ESYT3: variants seen among roughly 807,000 people sequenced by gnomAD.
The protein encoded by ESYT3 is extended synaptotagmin 3, also known as extended synaptotagmin-3.
A neutral mutation model predicts 111.5 loss-of-function variants in ESYT3; 101 were observed. That is an observed-to-expected ratio of 0.91 (90% confidence interval 0.77 to 1.07). ESYT3 has a LOEUF of 1.07. Among genes scored for constraint, ESYT3 ranks in the 50% least tolerant of loss-of-function variants. The probability of loss-of-function intolerance (pLI) is 0.00; values close to 1 mark genes in which losing one functional copy is unlikely to be tolerated. For synonymous variants in ESYT3, 416 were observed against 446.8 expected, an observed-to-expected ratio of 0.93 and a Z score of 0.87; for missense variants, 1,097 against 1,109.4, an observed-to-expected ratio of 0.99 and a Z score of 0.16.
intron 15 of ESYT3, 50 bp downstream of exon 15, chr3:138,469,554 C>T (rs1447376808): frequency 1.3e-6 from 2 of 1,533,114 alleles, no homozygotes; most frequent in African/African-American, 1.4e-5. Context: ...AGGACCCAGC[C>T]CTTCTCAGGG....
In ESYT3 at chr3:138,470,146, G is replaced by A. The variant is rs201243595; in HGVS notation, c.1590G>A (p.Lys530=). The A allele has an allele frequency of 8.6e-4, 1,385 of 1,611,516 alleles. 1 individual carries two copies. The highest frequency in any genetic ancestry group is 1.1e-3 in the Non-Finnish European group (1,268 of 1,178,344). The change falls in exon 16 of 23, where the codon AAG becomes AAA. Residue 530 remains lysine (K), a splice_region_variant and synonymous_variant. Coordinates refer to ENST00000389567, the MANE Select transcript of ESYT3 (RefSeq NM_031913.5). ...TGGCCACTGAGCGGCTCCATCTGAA[G>A]GTTTGATGGAAGAAGGGCTCTTGAA... ...HNVATERLHL[K]VLDDDQECAL...
At position 138,476,255 on chromosome 3, in the gene ESYT3, AG is replaced by A; in HGVS notation, c.2502del (p.Lys835ArgfsTer4). On this transcript the variant is annotated frameshift_variant, in exon 21 of 23. Transcript: ENST00000389567. LOFTEE classifies it high-confidence loss of function. The stretch of plus-strand genomic sequence containing the variant: ...TTTTTTGTTCCCATGGAAGAAGTAA[AG>A]AAGAGGTCACTAGATGTTGCAGTGA... The part of the protein sequence containing the change: ...FEFFVPMEEV[K>X]KRSLDVAVKN... 3.7e-6 allele frequency: 6 copies of A among 1,613,922 alleles called. No homozygotes were observed. Among genetic ancestry groups the A allele is most frequent in the Non-Finnish European group, 5.1e-6 (6 of 1,179,844 alleles).
At position 138,465,366 on chromosome 3, in the gene ESYT3, G is replaced by A; in HGVS notation, c.1114G>A (p.Asp372Asn). 11 of 1,596,912 alleles carry A rather than the reference G, an allele frequency of 6.9e-6. No homozygotes were observed. The highest frequency in any genetic ancestry group is 8.5e-6 in the Non-Finnish European group (10 of 1,172,180). The change falls in exon 10 of 23, where the codon GAC becomes AAC. Residue 372 changes from aspartate (D) to asparagine (N), a missense_variant. Transcript: ENST00000389567. ...CATGGTGTACGAAGTCCCTGGACAGGACCTGGAGGTAGACCTGTATGATGA... is the reference window on the plus strand; with the variant it reads ...CATGGTGTACGAAGTCCCTGGACAGAACCTGGAGGTAGACCTGTATGATGA... ...EFMVYEVPGQ[D>N]LEVDLYDEDT...
At chr3:138,457,546 G>C (rs772925402) in intron 3 of ESYT3, 22 bp from the exon 4 acceptor site, 2 of 1,613,348 alleles carry the variant, frequency 1.2e-6, no homozygotes, top group South Asian at 2.2e-5. Context: ...CTCTGACCTA[G>C]CCCTTTTGGC....
intron 20 of ESYT3, among the ~76,000 whole-genome samples, chr3:138,475,612 G>C (rs1004770034): frequency 1.3e-5 from 2 of 152,152 alleles, no homozygotes; most frequent in Non-Finnish European, 2.9e-5. Context: ...TACTGTTCAG[G>C]GTGAGGAGGG....
chr3:138,439,332 G>A (rs1256527233), intron 1 of ESYT3, among the ~76,000 whole-genome samples: 1 of 152,130 alleles, frequency 6.6e-6, no homozygotes, highest in East Asian at 1.9e-4. Flanking sequence ...GCGAGTGGAA[G>A]GGACGCGCAG....
chr3:138,459,846 G>A (rs879768132), intron 5 of ESYT3, 99 bp from the exon 6 acceptor site: 44 of 1,016,794 alleles, frequency 4.3e-5, no homozygotes, highest in African/African-American at 9.6e-5. Context: ...GTGGGGCAGC[G>A]TGGGCATGAA....
chr3:138,465,235 G>T (rs562546824), intron 9 of ESYT3, 104 bp from the exon 10 acceptor site: 4 of 757,244 alleles, frequency 5.3e-6, no homozygotes, highest in African/African-American at 3.5e-5. Context: ...GGCACTGAGG[G>T]GGTCAGGAAC....
In ESYT3 at chr3:138,476,475, T is replaced by G. The variant is rs1413112511; in HGVS notation, c.2607T>G (p.Ile869Met). ...VLIDLSKEDL[I>M]KGFSQWYELT... ...TTGACTTATCAAAAGAAGATCTGAT[T>G]AAGGGCTTTTCACAATGGTAAGTGT... Residue 869 changes from isoleucine (I) to methionine (M), a missense_variant, in exon 22 of 23, where the codon ATT becomes ATG. Physicochemically the swap from Ile to Met is conservative, Grantham distance 10. Coordinates refer to ENST00000389567, the MANE Select transcript of ESYT3 (RefSeq NM_031913.5). The G allele has an allele frequency of 6.2e-7, 1 of 1,613,648 alleles. No homozygotes were observed. The highest frequency in any genetic ancestry group is 2.2e-5 in the East Asian group (1 of 44,892).
intron 18 of ESYT3, chr3:138,473,261 C>A: frequency 1.3e-6 from 1 of 761,536 alleles, no homozygotes; most frequent in Non-Finnish European, 1.9e-6. Context: ...ATGGAACTAT[C>A]ATAAAAGTTT....
intron 22 of ESYT3, 123 bp downstream of exon 22, chr3:138,476,615 C>T: frequency 9.4e-7 from 1 of 1,066,624 alleles, no homozygotes; most frequent in Non-Finnish European, 1.4e-6. Flanking sequence ...TTATTTAAGG[C>T]TTTACTGCCT....
intron 2 of ESYT3, among the ~76,000 whole-genome samples, chr3:138,452,832 A>G: frequency 6.6e-6 from 1 of 152,208 alleles, no homozygotes; most frequent in East Asian, 1.9e-4. Context: ...AGCAGGAATG[A>G]CTTAGGTTAG....
chr3:138,435,080 C>T lies in ESYT3; in HGVS notation c.282C>T (p.Arg94=), dbSNP rs368781302. 728 of 1,593,188 alleles carry T rather than the reference C, an allele frequency of 4.6e-4. 2 individuals carry two copies. The highest frequency in any genetic ancestry group is 5.9e-4 in the Non-Finnish European group (689 of 1,172,268). ...CCTTCGAATTCCTTGACAATGAACG[C>T]GAGTTCATCAGCCGCGAGCTGCGGG... ...AAAFEFLDNE[R]EFISRELRGQ... The change falls in exon 1 of 23, where the codon CGC becomes CGT. Residue 94 remains arginine (R), a synonymous_variant. Transcript: ENST00000389567. The surrounding 1 kb of genome is among the most constrained non-coding windows in gnomAD (Gnocchi z 4.8).
chr3:138,444,337 G>A (rs967745069), intron 1 of ESYT3, among the ~76,000 whole-genome samples: 3 of 152,204 alleles, frequency 2.0e-5, no homozygotes, highest in African/African-American at 7.2e-5. Flanking sequence ...GAGGACAGCA[G>A]ACGTCGGAGA....
At chr3:138,451,859 G>C (rs1175571925) in intron 1 of ESYT3, among the ~76,000 whole-genome samples, 189 bp from the exon 2 acceptor site, 1 of 147,836 alleles carries the variant, frequency 6.8e-6, no homozygotes, top group Non-Finnish European at 1.5e-5. Flanking sequence ...GGCAGGACCA[G>C]TTCCGAGTTG....
At position 138,474,640 on chromosome 3, in the gene ESYT3, G is replaced by T. The variant is rs372533249; in HGVS notation, c.2468+288G>T. On this transcript the variant is annotated intron_variant, in intron 20 of 22. Transcript: ENST00000389567. ...AATGAAGTCTCTCTGGTAGTAAAAA[G>T]ATTTGAATGTTCAAATATTTTTTTG... The T allele has an allele frequency of 3.4e-4, 84 of 245,396 alleles. 1 individual carries two copies. Among genetic ancestry groups the T allele is most frequent in the African/African-American group, 1.7e-3 (76 of 44,732 alleles). 15.2% of individuals were successfully genotyped at this position (245,396 alleles called of 1,614,324 possible).
At position 138,434,837 on chromosome 3, in the gene ESYT3, C is replaced by T; in HGVS notation, c.39C>T (p.Ser13=). 6.4e-7 allele frequency: 1 copy of T among 1,553,996 alleles called. No individual in the cohort carries two copies. The highest frequency in any genetic ancestry group is 1.2e-5 in the South Asian group (1 of 84,178). Residue 13 remains serine, a synonymous_variant, in exon 1 of 23, where the codon AGC becomes AGT. Coordinates refer to ENST00000389567, the MANE Select transcript of ESYT3 (RefSeq NM_031913.5). The part of the protein sequence containing the change: ...AEEPCAPGAP[S]ALGAQRTPGP... ...AGCCCTGCGCCCCCGGGGCCCCCAG[C>T]GCCCTGGGAGCCCAGCGCACGCCGG...
chr3:138,468,951 C>A, intron 14 of ESYT3, 70 bp downstream of exon 14: 1 of 1,491,204 alleles, frequency 6.7e-7, no homozygotes, highest in Non-Finnish European at 9.4e-7. Flanking sequence ...GTAACCACAA[C>A]CCCATGTCTT....
At chr3:138,449,543 G>A (rs1446945233) in intron 1 of ESYT3, among the ~76,000 whole-genome samples, 1 of 152,208 alleles carries the variant, frequency 6.6e-6, no homozygotes, top group Non-Finnish European at 1.5e-5. Context: ...TCAGTGGCAT[G>A]AGGCAGCTCA....
Sources: allele counts gnomAD v4.1 joint callset (sites outside exome capture counted in the v4.1 genomes callset), GRCh38; gene constraint gnomAD v4.1.1; non-coding constraint Gnocchi (gnomAD v3.1); transcripts MANE v1.5; gene names NCBI Gene and HGNC (gene_info 2026-07-23, HGNC 2026-07-21).